Variants in UBE3C observed in about 807,000 individuals in gnomAD.
The protein encoded by UBE3C is ubiquitin protein ligase E3C, also known as ubiquitin-protein ligase E3C.
Under a neutral mutation model 129.4 loss-of-function variants are expected in UBE3C, and 42 were observed. The ratio of observed to expected loss-of-function variants is 0.32; its 90% confidence interval spans 0.25 to 0.42. The LOEUF (loss-of-function observed/expected upper bound fraction) is 0.42. UBE3C is among the 10% of genes least tolerant of loss of function. The pLI is 1.00. For synonymous variants in UBE3C, 510 were observed against 492.4 expected (o/e 1.04, Z -0.47); for missense variants, 1,049 against 1,319.1 (o/e 0.80, Z 3.17).
At chr7:157,169,388 TA>T (rs1808304351) in intron 3 of UBE3C, among the ~76,000 whole-genome samples, 1 of 151,692 alleles carries the variant, frequency 6.6e-6, no homozygotes, top group East Asian at 1.9e-4. Context: ...TTTTTTTTTT[TA>T]AATTGAGACT....
At chr7:157,265,648 A>C (rs889889648) in intron 22 of UBE3C, among the ~76,000 whole-genome samples, 1 of 152,216 alleles carries the variant, frequency 6.6e-6, no homozygotes, top group Admixed American at 6.5e-5. Flanking sequence ...AGCGAGACCC[A>C]TTATCAGATG....
intron 11 of UBE3C, among the ~76,000 whole-genome samples, chr7:157,205,239 G>A (rs1161810254): frequency 6.6e-6 from 1 of 152,150 alleles, no homozygotes; most frequent in Non-Finnish European, 1.5e-5. Flanking sequence ...GCCAATCCCA[G>A]TTTTTGTCAT....
At chr7:157,181,927 T>C (rs1563044228) in intron 7 of UBE3C, among the ~76,000 whole-genome samples, 181 bp from the exon 8 acceptor site, 1 of 152,256 alleles carries the variant, frequency 6.6e-6, no homozygotes, top group Non-Finnish European at 1.5e-5. Context: ...GGTAGTTATC[T>C]TAATAGAGAA....
intron 21 of UBE3C, among the ~76,000 whole-genome samples, chr7:157,255,132 A>G (rs1439581991): frequency 6.6e-6 from 1 of 152,068 alleles, no homozygotes; most frequent in African/African-American, 2.4e-5. Flanking sequence ...AAATAGATAA[A>G]TATATACATA....
intron 19 of UBE3C, among the ~76,000 whole-genome samples, chr7:157,253,384 TAA>T (rs1796666860): frequency 6.6e-6 from 1 of 152,230 alleles, no homozygotes; most frequent in Non-Finnish European, 1.5e-5. Context: ...CACGTACTAA[TAA>T]AAAGTGTTCT....
chr7:157,269,106 G>A lies in UBE3C; in HGVS notation c.*1351G>A, dbSNP rs577965257. ...TCTTAATTTGAATAATAAATTAAGC[G>A]TTTAAATGCTATTTGTAGTCTTGAT... On this transcript the variant is annotated 3_prime_UTR_variant, in exon 23 of 23. Coordinates refer to ENST00000348165, the MANE Select transcript of UBE3C (RefSeq NM_014671.3). 83 of 152,678 alleles carry A rather than the reference G, an allele frequency of 5.4e-4. No individual in the cohort carries two copies. The highest frequency in any genetic ancestry group is 7.8e-4 in the Non-Finnish European group (53 of 68,018). The allele number at this position is 152,678 out of a possible 1,614,324, so 9.5% of individuals were successfully genotyped here.
chr7:157,162,561 AC>A (rs1329875614), intron 1 of UBE3C, among the ~76,000 whole-genome samples: 13 of 144,736 alleles, frequency 9.0e-5, no homozygotes, highest in South Asian at 2.2e-4. Context: ...TTTTTTTGAG[AC>A]AGGATCTTGC....
chr7:157,188,940 G>T, intron 10 of UBE3C: 1 of 669,100 alleles, frequency 1.5e-6, no homozygotes. Flanking sequence ...GTTTAACACT[G>T]ATTGTCAGGG....
intron 18 of UBE3C, among the ~76,000 whole-genome samples, chr7:157,245,522 C>T (rs1796449456): frequency 6.6e-6 from 1 of 152,204 alleles, no homozygotes; most frequent in Non-Finnish European, 1.5e-5. Flanking sequence ...TTCAACACAA[C>T]TTTCTTTACA....
At chr7:157,222,472 G>A (rs912376086) in intron 15 of UBE3C, 1 of 151,538 alleles carries the variant, frequency 6.6e-6, no homozygotes, top group African/African-American at 2.4e-5. Context: ...AGGCTGGAGT[G>A]CAATGGTGCA....
intron 18 of UBE3C, among the ~76,000 whole-genome samples, chr7:157,235,099 G>A (rs1796120726): frequency 6.6e-6 from 1 of 152,148 alleles, no homozygotes; most frequent in Admixed American, 6.5e-5. Context: ...GCTGAGGCAG[G>A]ATAATGGCTT....
intron 2 of UBE3C, among the ~76,000 whole-genome samples, chr7:157,167,518 A>G (rs1046393508): frequency 1.3e-5 from 2 of 151,906 alleles, no homozygotes; most frequent in South Asian, 2.1e-4. Context: ...GCATTTGTAT[A>G]TAAAATGCCT....
At chr7:157,239,652 C>T (rs542080075) in intron 18 of UBE3C, among the ~76,000 whole-genome samples, 3 of 152,228 alleles carry the variant, frequency 2.0e-5, no homozygotes, top group African/African-American at 7.2e-5. Flanking sequence ...ACTTGAGCAG[C>T]CGCTTAAGGG....
intron 10 of UBE3C, among the ~76,000 whole-genome samples, chr7:157,187,786 C>A (rs868764159): frequency 2.8e-4 from 42 of 152,162 alleles, no homozygotes; most frequent in Middle Eastern, 3.4e-3. Flanking sequence ...CCATGTTAGC[C>A]AGGATGGTCT....
intron 4 of UBE3C, among the ~76,000 whole-genome samples, chr7:157,173,079 TAAAAG>T: frequency 6.6e-6 from 1 of 152,226 alleles, no homozygotes; most frequent in African/African-American, 2.4e-5. Context: ...AGGAAAAGGA[TAAAAG>T]AAAAGTGGGC....
intron 17 of UBE3C, among the ~76,000 whole-genome samples, chr7:157,226,180 A>T (rs367806659): frequency 6.6e-6 from 1 of 152,314 alleles, no homozygotes; most frequent in Admixed American, 6.5e-5. Context: ...ATAAATATTT[A>T]TATGAAATCA....
chr7:157,156,823 A>C (rs975272616), intron 1 of UBE3C, among the ~76,000 whole-genome samples: 2 of 151,920 alleles, frequency 1.3e-5, no homozygotes, highest in Admixed American at 6.6e-5. Flanking sequence ...AGATAGATCT[A>C]CCACATTCCT....
chr7:157,193,861 C>T (rs1200262254), intron 10 of UBE3C, among the ~76,000 whole-genome samples: 1 of 152,104 alleles, frequency 6.6e-6, no homozygotes, highest in African/African-American at 2.4e-5. Flanking sequence ...TGAAGCAAAA[C>T]ACTACATAGC....
chr7:157,230,897 C>T (rs1020045699), intron 17 of UBE3C, among the ~76,000 whole-genome samples, 183 bp from the exon 18 acceptor site: 7 of 152,044 alleles, frequency 4.6e-5, no homozygotes, highest in Non-Finnish European at 7.4e-5. Context: ...TGCACTCCAG[C>T]CTGGGTGACG....
Sources: gnomAD v4.1 joint callset for allele counts (sites outside exome capture counted in the v4.1 genomes callset) on GRCh38, gnomAD v4.1.1 for gene constraint, MANE v1.5 for transcripts, NCBI Gene and HGNC (gene_info 2026-07-23, HGNC 2026-07-21) for gene names.